DGKB: variants seen among roughly 807,000 people sequenced by gnomAD.
DGKB encodes diacylglycerol kinase beta.
A neutral mutation model predicts 114.3 loss-of-function variants in DGKB; 67 were observed. That is an observed-to-expected ratio of 0.59 (90% CI 0.48 to 0.72). DGKB has a LOEUF of 0.72. DGKB is among the 30% of genes least tolerant of loss of function. DGKB has a pLI of 0.00. For synonymous variants in DGKB, 398 were observed against 323.1 expected, an observed-to-expected ratio of 1.23 and a Z score of -2.49; for missense variants, 907 against 975.2, an observed-to-expected ratio of 0.93 and a Z score of 0.93.
At position 14,672,932 on chromosome 7, in the gene DGKB, T is replaced by A; in HGVS notation, c.1131A>T (p.Val377=). The change falls in exon 13 of 26, where the codon GTA becomes GTT. Residue 377 remains valine (V), a synonymous_variant. Coordinates refer to ENST00000402815, the MANE Select transcript of DGKB (RefSeq NM_001350709.2). ...ILPPTTICPV[V]LTLPTSGVSV... ...AGAATGATAAGGAAAAACTCACCAG[T>A]ACCACTGGACAGATTGTTGTGGGTG... The A allele has an allele frequency of 6.4e-7, 1 of 1,553,388 alleles. No homozygotes were observed. The highest frequency in any genetic ancestry group is 8.7e-7 in the Non-Finnish European group (1 of 1,143,900).
chr7:14,840,456 C>A (rs1847770553), intron 2 of DGKB, among the ~76,000 whole-genome samples: 1 of 152,014 alleles, frequency 6.6e-6, no homozygotes, highest in Non-Finnish European at 1.5e-5. Context: ...TAGACATATT[C>A]CTGAAAATCT....
At chr7:14,502,510 A>G (rs1786360787) in intron 20 of DGKB, among the ~76,000 whole-genome samples, 1 of 152,118 alleles carries the variant, frequency 6.6e-6, no homozygotes, top group Admixed American at 6.6e-5. Flanking sequence ...ACAACTCTTA[A>G]GTAAACCAAA....
chr7:14,288,894 T>C (rs570908973), intron 23 of DGKB, among the ~76,000 whole-genome samples: 12 of 152,314 alleles, frequency 7.9e-5, no homozygotes, highest in African/African-American at 2.9e-4. Flanking sequence ...ATATGCACTG[T>C]TGCTCTTGAG....
chr7:14,337,411 G>A (rs935459543), intron 23 of DGKB, among the ~76,000 whole-genome samples: 4 of 151,608 alleles, frequency 2.6e-5, no homozygotes, highest in Non-Finnish European at 4.4e-5. Flanking sequence ...ACATTTTAAG[G>A]GCATCAAAAC....
At chr7:14,391,716 A>T (rs1821348767) in intron 21 of DGKB, among the ~76,000 whole-genome samples, 1 of 152,060 alleles carries the variant, frequency 6.6e-6, no homozygotes, top group Non-Finnish European at 1.5e-5. Flanking sequence ...AAAGAATGGT[A>T]AAGACAAAGG....
At chr7:14,717,314 G>C (rs748626863) in intron 6 of DGKB, among the ~76,000 whole-genome samples, 15 of 152,114 alleles carry the variant, frequency 9.9e-5, no homozygotes, top group Non-Finnish European at 1.8e-4. Context: ...GTCTTTATAT[G>C]TTTATAATCA....
At chr7:14,356,625 G>A (rs568864165) in intron 21 of DGKB, among the ~76,000 whole-genome samples, 1 of 151,998 alleles carries the variant, frequency 6.6e-6, no homozygotes, top group Non-Finnish European at 1.5e-5. Context: ...CTCCCAAAGT[G>A]CTGGGATTAC....
intron 23 of DGKB, among the ~76,000 whole-genome samples, chr7:14,306,302 G>A (rs989713817): frequency 6.6e-6 from 1 of 152,024 alleles, no homozygotes; most frequent in South Asian, 2.1e-4. Context: ...CCGAAAGAAA[G>A]TAAGAAAGGA....
rs182813694 is a variant in DGKB at position 14,443,596 on chromosome 7, T to C, written c.1835+34565A>G. 3.9e-3 allele frequency among the ~76,000 whole-genome samples: 601 copies of C among 152,260 alleles called. 1 individual carries two copies. Among genetic ancestry groups the C allele is most frequent in the Non-Finnish European group, 6.9e-3 (471 of 67,992 alleles). On this transcript the variant is annotated intron_variant, in intron 21 of 25. Transcript: ENST00000402815. ...CCTGTACTCTGACTTCTATTGTCGA[T>C]GTTGAATAATCAGTTGTCACTTTAG...
At chr7:14,531,629 A>G (rs1041435686) in intron 20 of DGKB, among the ~76,000 whole-genome samples, 1 of 148,644 alleles carries the variant, frequency 6.7e-6, no homozygotes, top group Non-Finnish European at 1.5e-5. Flanking sequence ...TGTGAAAAAT[A>G]AATGTAATAA....
At chr7:14,378,637 A>G (rs184114664) in intron 21 of DGKB, among the ~76,000 whole-genome samples, 2 of 152,298 alleles carry the variant, frequency 1.3e-5, no homozygotes, top group South Asian at 2.1e-4. Context: ...AGCTACATTG[A>G]TAATTAATTT....
At chr7:14,775,498 C>A (rs1235320995) in intron 2 of DGKB, among the ~76,000 whole-genome samples, 2 of 151,186 alleles carry the variant, frequency 1.3e-5, no homozygotes, top group African/African-American at 4.9e-5. Flanking sequence ...TTTGCACCAA[C>A]CTAATAATTC....
At chr7:14,831,169 C>A (rs79733919) in intron 2 of DGKB, among the ~76,000 whole-genome samples, 2 of 151,818 alleles carry the variant, frequency 1.3e-5, no homozygotes, top group Non-Finnish European at 2.9e-5. Flanking sequence ...GAAAAATAAA[C>A]GGTGAGAGAC....
chr7:14,491,457 C>T (rs952279239), intron 20 of DGKB, among the ~76,000 whole-genome samples: 1 of 152,012 alleles, frequency 6.6e-6, no homozygotes, highest in Non-Finnish European at 1.5e-5. Context: ...TCTTTATTTG[C>T]AGCATGGAAA....
intron 23 of DGKB, among the ~76,000 whole-genome samples, chr7:14,317,237 C>T (rs934665546): frequency 1.2e-5 from 1 of 83,624 alleles, no homozygotes; most frequent in African/African-American, 4.9e-5. Context: ...GACAGGGATG[C>T]CCTCTCTCAC....
At position 14,273,700 on chromosome 7, in the gene DGKB, G is replaced by A. The variant is rs542759002; in HGVS notation, c.2122+64815C>T. On this transcript the variant is annotated intron_variant, in intron 23 of 25. Coordinates refer to ENST00000402815, the MANE Select transcript of DGKB (RefSeq NM_001350709.2). The stretch of plus-strand genomic sequence containing the variant: ...ACAAATACTGGCTGTATCTCCACTG[G>A]CTAAGCTCATTTTTCTTTTGAAAAG... Among the ~76,000 whole-genome samples the A allele has an allele frequency of 7.2e-5, 11 of 152,276 alleles. No individual in the cohort carries two copies. In the East Asian group the frequency reaches 1.4e-3, roughly 19 times the overall value.
chr7:14,765,496 G>A (rs896077722), intron 2 of DGKB, among the ~76,000 whole-genome samples: 30 of 151,842 alleles, frequency 2.0e-4, no homozygotes, highest in African/African-American at 6.8e-4. Flanking sequence ...TTAAACATCA[G>A]TTTTTATTAA....
intron 1 of DGKB, among the ~76,000 whole-genome samples, chr7:14,844,421 G>T (rs1257333270): frequency 6.6e-6 from 1 of 152,136 alleles, no homozygotes; most frequent in Non-Finnish European, 1.5e-5. Context: ...TAGGTGATTG[G>T]AGCACACAGC....
At chr7:14,324,211 G>A (rs1395889546) in intron 23 of DGKB, among the ~76,000 whole-genome samples, 2 of 152,112 alleles carry the variant, frequency 1.3e-5, no homozygotes, top group African/African-American at 4.8e-5. Context: ...CACTTTGGGA[G>A]GTCAAGGCCG....
Sources: allele counts gnomAD v4.1 joint callset (sites outside exome capture counted in the v4.1 genomes callset), GRCh38; gene constraint gnomAD v4.1.1; transcripts MANE v1.5; gene names NCBI Gene and HGNC (gene_info 2026-07-23, HGNC 2026-07-21).